MAP3K13: variants seen among roughly 807,000 people sequenced by gnomAD.
MAP3K13 encodes mitogen-activated protein kinase kinase kinase 13.
In MAP3K13, 52 loss-of-function variants were observed where a neutral mutation model predicts 104.0. The observed-to-expected ratio is 0.50, with a 90% CI of 0.40 to 0.63. The LOEUF is 0.63. Ranked by LOEUF, MAP3K13 falls within the 20% of genes least tolerant of loss-of-function variation. MAP3K13 has a pLI of 0.00. For synonymous variants in MAP3K13, 394 were observed against 442.2 expected (o/e 0.89, Z 1.37); for missense variants, 914 against 1,218.5 (o/e 0.75, Z 3.72).
intron 2 of MAP3K13, among the ~76,000 whole-genome samples, chr3:185,343,597 C>T (rs956166864): frequency 1.3e-5 from 2 of 152,092 alleles, no homozygotes; most frequent in African/African-American, 2.4e-5. Flanking sequence ...GGACTACAGG[C>T]ACGTGCCACC....
intron 2 of MAP3K13, among the ~76,000 whole-genome samples, chr3:185,304,887 C>T (rs913360218): frequency 6.6e-6 from 1 of 152,162 alleles, no homozygotes; most frequent in Middle Eastern, 3.4e-3. Context: ...CCCCTTCGGC[C>T]TCCCAAAGTG....
intron 1 of MAP3K13, among the ~76,000 whole-genome samples, chr3:185,388,411 A>G (rs1002673771): frequency 6.6e-6 from 1 of 152,080 alleles, no homozygotes; most frequent in Non-Finnish European, 1.5e-5. Flanking sequence ...ATGAGATGGG[A>G]GCATTGCTTG....
intron 10 of MAP3K13, among the ~76,000 whole-genome samples, chr3:185,469,606 A>G (rs1717659019): frequency 6.6e-6 from 1 of 152,198 alleles, no homozygotes; most frequent in South Asian, 2.1e-4. Flanking sequence ...CCATGCTAAG[A>G]CAAGTCCTTA....
chr3:185,480,120 C>T, intron 12 of MAP3K13, 112 bp from the exon 13 acceptor site: 1 of 1,040,266 alleles, frequency 9.6e-7, no homozygotes, highest in South Asian at 1.5e-5. Flanking sequence ...CTTAGGCCTC[C>T]TTGATGGCAG....
intron 7 of MAP3K13, among the ~76,000 whole-genome samples, chr3:185,452,859 T>G (rs945725091): frequency 2.0e-5 from 3 of 152,136 alleles, no homozygotes; most frequent in African/African-American, 7.2e-5. Context: ...AATGCACAAG[T>G]GATTTCCAGG....
chr3:185,350,218 T>A (rs1723086452), intron 2 of MAP3K13, among the ~76,000 whole-genome samples: 1 of 152,196 alleles, frequency 6.6e-6, no homozygotes, highest in South Asian at 2.1e-4. Flanking sequence ...GGAGCTTTGC[T>A]CTTGTTGCCC....
chr3:185,383,198 T>G (rs866229217), intron 1 of MAP3K13, among the ~76,000 whole-genome samples: 1 of 150,668 alleles, frequency 6.6e-6, no homozygotes, highest in Middle Eastern at 3.4e-3. Context: ...GAACTCATCA[T>G]TTTTTATGGC....
intron 7 of MAP3K13, among the ~76,000 whole-genome samples, chr3:185,455,036 TG>T (rs1271130093): frequency 8.8e-6 from 1 of 113,846 alleles, no homozygotes; most frequent in African/African-American, 3.2e-5. Context: ...GAGATATATA[TG>T]ATATATATAT....
intron 2 of MAP3K13, among the ~76,000 whole-genome samples, chr3:185,348,678 G>T (rs919510849): frequency 6.6e-5 from 10 of 152,150 alleles, no homozygotes; most frequent in African/African-American, 2.4e-4. Flanking sequence ...CAGCACTTTG[G>T]GAGGCCGAGG....
chr3:185,433,385 AACTC>A (rs1249079390), intron 2 of MAP3K13, among the ~76,000 whole-genome samples: 2 of 152,242 alleles, frequency 1.3e-5, no homozygotes, highest in Non-Finnish European at 2.9e-5. Context: ...GTTTGGGACT[AACTC>A]TAGAGAGAGT....
chr3:185,289,673 A>G (rs1411378536), intron 2 of MAP3K13, among the ~76,000 whole-genome samples: 1 of 152,216 alleles, frequency 6.6e-6, no homozygotes, highest in African/African-American at 2.4e-5. Context: ...AGAAAAAACC[A>G]TAAAGCAGAC....
intron 1 of MAP3K13, among the ~76,000 whole-genome samples, chr3:185,425,502 A>T (rs1015667581): frequency 6.6e-6 from 1 of 152,162 alleles, no homozygotes; most frequent in East Asian, 1.9e-4. Context: ...TTCAGGTCCA[A>T]GTCATTTCTT....
At chr3:185,437,412 A>T (rs1318306967) in intron 2 of MAP3K13, 35 bp from the exon 3 acceptor site, 1 of 1,594,460 alleles carries the variant, frequency 6.3e-7, no homozygotes, top group Non-Finnish European at 8.6e-7. Context: ...CCCTTCTGAG[A>T]TCTCTTCAAG....
chr3:185,385,647 T>C (rs1364033531), intron 1 of MAP3K13, among the ~76,000 whole-genome samples: 1 of 152,170 alleles, frequency 6.6e-6, no homozygotes, highest in African/African-American at 2.4e-5. Context: ...GTATCTCTGA[T>C]GAACATAGAT....
At chr3:185,457,138 G>C (rs55983203) in intron 7 of MAP3K13, among the ~76,000 whole-genome samples, 4 of 151,888 alleles carry the variant, frequency 2.6e-5, no homozygotes, top group South Asian at 2.1e-4. Context: ...AGTTGCCACA[G>C]TCGGGTTCCT....
chr3:185,380,231 G>A (rs1294333172), intron 1 of MAP3K13, among the ~76,000 whole-genome samples: 3 of 151,722 alleles, frequency 2.0e-5, no homozygotes, highest in Non-Finnish European at 4.4e-5. Context: ...CTCATTCTCA[G>A]GCCGGGCGTG....
intron 7 of MAP3K13, among the ~76,000 whole-genome samples, chr3:185,455,277 G>T (rs867360268): frequency 0.36 from 11,998 of 33,516 alleles, 3,789 homozygotes; most frequent in Non-Finnish European, 0.52. Context: ...ATATATATGA[G>T]ATATATGAGA....
chr3:185,455,693 ATATATATAT>A, intron 7 of MAP3K13, among the ~76,000 whole-genome samples: 1 of 23,392 alleles, frequency 4.3e-5, no homozygotes, highest in African/African-American at 9.0e-5. Flanking sequence ...TATATATATG[ATATATATAT>A]GAGATATATA....
In MAP3K13 at chr3:185,342,320, A is replaced by G. The variant is rs568887986; in HGVS notation, c.-86+56677A>G. Among the ~76,000 whole-genome samples the G allele has an allele frequency of 2.6e-5, 4 of 152,298 alleles. No homozygotes were observed. The South Asian group carries it at 8.3e-4, about 32-fold the overall frequency. On this transcript the variant is annotated intron_variant, in intron 2 of 14. Transcript: ENST00000424227. ...CTGCATGCTGCAGTGCACAAGTAGT[A>G]TACTCATCTGTCCCTTCTGCAGTTT...
Sources: gnomAD v4.1 joint callset for allele counts (sites outside exome capture counted in the v4.1 genomes callset) on GRCh38, gnomAD v4.1.1 for gene constraint, MANE v1.5 for transcripts, NCBI Gene and HGNC (gene_info 2026-07-23, HGNC 2026-07-21) for gene names.